RSPO2: variants seen among roughly 807,000 people sequenced by gnomAD.
RSPO2 encodes R-spondin 2.
Under a neutral mutation model 30.9 loss-of-function variants are expected in RSPO2, and 14 were observed. That is an observed-to-expected ratio of 0.45 (90% confidence interval 0.30 to 0.71). The LOEUF (loss-of-function observed/expected upper bound fraction) is 0.71, where lower values mean the gene tolerates loss of function less well. Among genes scored for constraint, RSPO2 ranks in the 30% least tolerant of loss-of-function variants. The probability of loss-of-function intolerance (pLI) is 0.08; values close to 1 mark genes in which losing one functional copy is unlikely to be tolerated. For missense variants in RSPO2, 264 were observed against 301.9 expected (o/e 0.87, Z 0.93); for synonymous variants, 107 against 96.4 (o/e 1.11, Z -0.64).
chr8:108,019,872 G>A (rs1223758239), intron 2 of RSPO2, among the ~76,000 whole-genome samples: 1 of 152,122 alleles, frequency 6.6e-6, no homozygotes, highest in African/African-American at 2.4e-5. Context: ...GCTACTAGCA[G>A]TAGTAAGACT....
intron 2 of RSPO2, among the ~76,000 whole-genome samples, chr8:108,076,824 C>T (rs749755612): frequency 1.3e-4 from 19 of 151,894 alleles, no homozygotes; most frequent in African/African-American, 1.9e-4. Context: ...AATGACAGTT[C>T]GAGAAACAGG....
At chr8:108,038,224 C>A (rs999539758) in intron 2 of RSPO2, among the ~76,000 whole-genome samples, 2 of 152,092 alleles carry the variant, frequency 1.3e-5, no homozygotes, top group African/African-American at 4.8e-5. Context: ...GGGTTCAAAA[C>A]TTCAGTGGAG....
At chr8:107,980,177 G>A (rs1378605347) in intron 3 of RSPO2, among the ~76,000 whole-genome samples, 1 of 152,110 alleles carries the variant, frequency 6.6e-6, no homozygotes, top group African/African-American at 2.4e-5. Flanking sequence ...GGTTCCCTGA[G>A]CAGCCAGTGT....
chr8:108,059,637 TG>T (rs1432311659), intron 2 of RSPO2, among the ~76,000 whole-genome samples: 1 of 146,510 alleles, frequency 6.8e-6, no homozygotes, highest in Non-Finnish European at 1.5e-5. Flanking sequence ...ATTAAGAAAA[TG>T]TGGCACATAT....
chr8:108,035,389 CG>C (rs1166598526), intron 2 of RSPO2, among the ~76,000 whole-genome samples: 1 of 152,188 alleles, frequency 6.6e-6, no homozygotes, highest in African/African-American at 2.4e-5. Flanking sequence ...GTTACCACAT[CG>C]GTAGCACAAA....
intron 2 of RSPO2, among the ~76,000 whole-genome samples, chr8:108,015,344 G>GCA (rs1348307863): frequency 2.0e-5 from 3 of 152,074 alleles, no homozygotes; most frequent in African/African-American, 7.2e-5. Context: ...CATATGTCAT[G>GCA]CACACACACA....
intron 3 of RSPO2, among the ~76,000 whole-genome samples, chr8:107,988,116 C>T (rs546330371): frequency 2.4e-4 from 36 of 152,008 alleles, no homozygotes; most frequent in African/African-American, 8.4e-4. Context: ...ACCTAGAAGA[C>T]GAGACTCATT....
At chr8:107,914,012 A>C (rs756183840) in intron 5 of RSPO2, among the ~76,000 whole-genome samples, 1 of 152,204 alleles carries the variant, frequency 6.6e-6, no homozygotes, top group Non-Finnish European at 1.5e-5. Flanking sequence ...TAGAAATTTT[A>C]AATGTAATGA....
chr8:108,051,306 T>C (rs1812073047), intron 2 of RSPO2, among the ~76,000 whole-genome samples: 1 of 152,092 alleles, frequency 6.6e-6, no homozygotes, highest in South Asian at 2.1e-4. Context: ...CAAAGGTAGC[T>C]GGAGGGGAGA....
chr8:108,050,512 T>C (rs1812046129), intron 2 of RSPO2, among the ~76,000 whole-genome samples: 2 of 152,154 alleles, frequency 1.3e-5, no homozygotes, highest in African/African-American at 4.8e-5. Flanking sequence ...AGACCATAAG[T>C]ATGTAGATTT....
chr8:108,019,119 G>A (rs898959347), intron 2 of RSPO2, among the ~76,000 whole-genome samples: 1 of 152,078 alleles, frequency 6.6e-6, no homozygotes, highest in Non-Finnish European at 1.5e-5. Context: ...TCAAAACTCT[G>A]AACTACCCAA....
intron 2 of RSPO2, among the ~76,000 whole-genome samples, chr8:108,035,992 T>C (rs571817313): frequency 5.9e-5 from 9 of 152,214 alleles, no homozygotes; most frequent in African/African-American, 2.2e-4. Context: ...AGGCATCTTA[T>C]GAATCTAGGC....
chr8:108,046,591 C>G (rs2443777), intron 2 of RSPO2, among the ~76,000 whole-genome samples: 107,974 of 151,838 alleles, frequency 0.71, 38,798 homozygotes, highest in Middle Eastern at 0.75. Context: ...TTTTTCTTGG[C>G]CTGAAATTGG....
At chr8:108,053,475 G>A (rs979676801) in intron 2 of RSPO2, among the ~76,000 whole-genome samples, 2 of 152,042 alleles carry the variant, frequency 1.3e-5, no homozygotes, top group South Asian at 2.1e-4. Flanking sequence ...CCCATCTAAC[G>A]TTTCTATAAC....
At chr8:107,917,863 T>C (rs1027605577) in intron 5 of RSPO2, among the ~76,000 whole-genome samples, 1 of 152,198 alleles carries the variant, frequency 6.6e-6, no homozygotes, top group South Asian at 2.1e-4. Context: ...CCTAGTCAAT[T>C]GTGGCTTTAA....
At chr8:107,963,008 C>T (rs753993426) in intron 3 of RSPO2, among the ~76,000 whole-genome samples, 1 of 152,044 alleles carries the variant, frequency 6.6e-6, no homozygotes, top group Non-Finnish European at 1.5e-5. Context: ...TTCCATGCTC[C>T]CAATACCAGT....
At chr8:107,943,337 T>TA (rs1812958298) in intron 5 of RSPO2, among the ~76,000 whole-genome samples, 1 of 152,218 alleles carries the variant, frequency 6.6e-6, no homozygotes, top group Non-Finnish European at 1.5e-5. Flanking sequence ...GAAAGTTACA[T>TA]AAAATATCAG....
At chr8:107,990,441 A>G (rs1814808985) in intron 2 of RSPO2, among the ~76,000 whole-genome samples, 1 of 152,080 alleles carries the variant, frequency 6.6e-6, no homozygotes, top group Non-Finnish European at 1.5e-5. Context: ...ATCACAAACA[A>G]ACTCTCATTC....
intron 3 of RSPO2, among the ~76,000 whole-genome samples, chr8:107,966,399 G>A (rs774619014): frequency 9.9e-5 from 15 of 152,128 alleles, no homozygotes; most frequent in Admixed American, 2.0e-4. Context: ...AAGCTCTACA[G>A]AGAGGCAATT....
Sources: allele counts gnomAD v4.1 joint callset (sites outside exome capture counted in the v4.1 genomes callset), GRCh38; gene constraint gnomAD v4.1.1; transcripts MANE v1.5; gene names NCBI Gene and HGNC (gene_info 2026-07-23, HGNC 2026-07-21).